The following NEBL variants were observed in gnomAD, a reference collection of about 807,000 sequenced individuals.
NEBL encodes LIM and SH3 protein 2.
Under a neutral mutation model 140.2 loss-of-function variants are expected in NEBL, and 122 were observed. The observed-to-expected ratio is 0.87, with a 90% CI of 0.75 to 1.01. The LOEUF (loss-of-function observed/expected upper bound fraction) is 1.01. Ranked by LOEUF, NEBL falls within the 50% of genes least tolerant of loss-of-function variation. NEBL has a pLI of 0.00. For missense variants in NEBL, 1,365 were observed against 1,231.3 expected (o/e 1.11, Z -1.62); for synonymous variants, 436 against 398.9 (o/e 1.09, Z -1.11).
intron 2 of NEBL, among the ~76,000 whole-genome samples, chr10:21,055,499 C>G (rs1290343518): frequency 6.6e-6 from 1 of 152,036 alleles, no homozygotes; most frequent in African/African-American, 2.4e-5. Context: ...AAATGAAAAC[C>G]CACCCACCTG....
chr10:21,230,224 A>G (rs1842227543), intron 3 of NEBL, among the ~76,000 whole-genome samples: 1 of 152,156 alleles, frequency 6.6e-6, no homozygotes, highest in African/African-American at 2.4e-5. Flanking sequence ...CTTGGGAGTG[A>G]GTCAAGCTGG....
chr10:20,920,637 TAAAA>T (rs1353975354), intron 4 of NEBL, among the ~76,000 whole-genome samples: 1 of 151,028 alleles, frequency 6.6e-6, no homozygotes, highest in Non-Finnish European at 1.5e-5. Context: ...CAAAAACTAA[TAAAA>T]AGAAGAAAAA....
rs547444578 is a variant in NEBL, at chr10:20,981,553, G to A, written c.250-19774C>T. ...GGTAACAGCACCCTGACTTGCTTCTGAAAACTCAGCACTCCTTATCTCTCC... is the reference window on the plus strand; with the variant it reads ...GGTAACAGCACCCTGACTTGCTTCTAAAAACTCAGCACTCCTTATCTCTCC... On this transcript the variant is annotated intron_variant, in intron 3 of 6. Coordinates refer to the NEBL transcript ENST00000417816. Among the ~76,000 whole-genome samples, 4 of 152,252 alleles carry A rather than the reference G, an allele frequency of 2.6e-5. No homozygotes were observed. In the East Asian group the frequency reaches 7.7e-4, roughly 29 times the overall value.
intron 3 of NEBL, among the ~76,000 whole-genome samples, chr10:21,012,543 A>T (rs545893811): frequency 1.9e-4 from 29 of 149,624 alleles, no homozygotes; most frequent in African/African-American, 6.4e-4. Context: ...TTTATTTGTT[A>T]TTTTTTTTTG....
At chr10:21,195,321 C>A (rs1841631566) in intron 3 of NEBL, among the ~76,000 whole-genome samples, 1 of 152,172 alleles carries the variant, frequency 6.6e-6, no homozygotes, top group South Asian at 2.1e-4. Flanking sequence ...ACACCTAGCT[C>A]AACTTGAGTG....
chr10:20,890,213 G>A (rs1846913262), intron 2 of NEBL, among the ~76,000 whole-genome samples: 1 of 152,088 alleles, frequency 6.6e-6, no homozygotes, highest in African/African-American at 2.4e-5. Flanking sequence ...ACGGGTGATG[G>A]GTCCTGTTTA....
chr10:21,006,354 GTTGCTAGA>G (rs1392297769), intron 3 of NEBL, among the ~76,000 whole-genome samples: 1 of 152,276 alleles, frequency 6.6e-6, no homozygotes, highest in African/African-American at 2.4e-5. Context: ...TTTAACACTT[GTTGCTAGA>G]TTGCTTTTTT....
In NEBL at chr10:20,889,870, T is replaced by G; in HGVS notation, c.233A>C (p.Lys78Thr). 1 of 1,612,594 alleles carries G rather than the reference T, an allele frequency of 6.2e-7. No homozygotes were observed. Among genetic ancestry groups the G allele is most frequent in the Non-Finnish European group, 8.5e-7 (1 of 1,178,720 alleles). Reference sequence around the variant, plus strand: ...CTCAGAAATAAAAGCACCGATATTTTTTACATGGTTTAGCATAGGACTGTC... The same window carrying G: ...CTCAGAAATAAAAGCACCGATATTTGTTACATGGTTTAGCATAGGACTGTC... ...VTDSPMLNHV[K>T]NIGAFISEAK... Residue 78 changes from lysine (K) to threonine (T), a missense_variant, in exon 3 of 28, where the codon AAA (lysine) becomes ACA (threonine). Around this residue, in one of 2 missense-constraint regions of NEBL, gnomAD observed 1,323 missense variants for 1,154.8 expected, o/e 1.15. Coordinates refer to ENST00000377122, the MANE Select transcript of NEBL (RefSeq NM_006393.3).
At chr10:21,053,630 G>A (rs1834876112) in intron 2 of NEBL, among the ~76,000 whole-genome samples, 1 of 152,112 alleles carries the variant, frequency 6.6e-6, no homozygotes, top group Non-Finnish European at 1.5e-5. Context: ...TAATCCCCAA[G>A]AAGTTATGAA....
At chr10:21,043,704 A>G (rs559773498) in intron 2 of NEBL, among the ~76,000 whole-genome samples, 2 of 152,222 alleles carry the variant, frequency 1.3e-5, no homozygotes, top group Non-Finnish European at 2.9e-5. Context: ...CCAGCAACAG[A>G]TCTGCCACGC....
At chr10:21,228,420 C>T (rs1215142617) in intron 3 of NEBL, among the ~76,000 whole-genome samples, 1 of 152,140 alleles carries the variant, frequency 6.6e-6, no homozygotes, top group Non-Finnish European at 1.5e-5. Flanking sequence ...TTCCAAAGTG[C>T]TACGATTACA....
chr10:21,285,582 G>A (rs575382201), intron 1 of NEBL, among the ~76,000 whole-genome samples: 4 of 152,260 alleles, frequency 2.6e-5, no homozygotes, highest in South Asian at 4.2e-4. Flanking sequence ...GGGACATGTC[G>A]TCAGGACCTC....
intron 3 of NEBL, among the ~76,000 whole-genome samples, chr10:20,977,044 C>G (rs1252054898): frequency 6.6e-6 from 1 of 151,936 alleles, no homozygotes; most frequent in Non-Finnish European, 1.5e-5. Context: ...ATTAATAAAC[C>G]TTGTCTTTTA....
intron 2 of NEBL, among the ~76,000 whole-genome samples, chr10:21,082,761 A>ATTTTTT (rs71392113): frequency 0.17 from 18,278 of 109,220 alleles, 2,665 homozygotes; most frequent in Non-Finnish European, 0.23. Context: ...GGAGGGATGC[A>ATTTTTT]TTTTTTTTTT....
chr10:21,172,204 G>A, intron 2 of NEBL: 1 of 640,328 alleles, frequency 1.6e-6, no homozygotes, highest in Non-Finnish European at 2.8e-6. Flanking sequence ...CATTAGAAAG[G>A]TATAAAAAGC....
rs569748369 is a variant in NEBL, at chr10:21,144,464, G to A, written c.164+27919C>T. 2.1e-4 allele frequency among the ~76,000 whole-genome samples: 32 copies of A among 152,254 alleles called. No homozygotes were observed. In the East Asian group the frequency reaches 2.5e-3, roughly 12 times the overall value. On this transcript the variant is annotated intron_variant, in intron 2 of 6. Transcript: ENST00000417816. ...AATGGGGCCGGGTGCTGTGGCTCAC[G>A]CCTGTAATCCCAGCACTTTGGGAGG...
chr10:20,798,495 C>T (rs1836795651), intron 26 of NEBL, among the ~76,000 whole-genome samples: 2 of 152,272 alleles, frequency 1.3e-5, no homozygotes, highest in South Asian at 2.1e-4. Context: ...AGTCTATGAT[C>T]CAACTTGGAT....
intron 2 of NEBL, among the ~76,000 whole-genome samples, chr10:21,144,833 ATG>A (rs1329783410): frequency 1.3e-5 from 2 of 152,202 alleles, no homozygotes; most frequent in East Asian, 3.9e-4. Flanking sequence ...TTCACGTCAT[ATG>A]TCTCTCATCT....
At chr10:21,061,515 A>G (rs569088974) in intron 2 of NEBL, among the ~76,000 whole-genome samples, 14 of 147,992 alleles carry the variant, frequency 9.5e-5, no homozygotes, top group Non-Finnish European at 6.0e-5. Context: ...TACATTATAT[A>G]TTATATATCA....
Sources: gnomAD v4.1 joint callset for allele counts (sites outside exome capture counted in the v4.1 genomes callset) on GRCh38, gnomAD v4.1.1 for gene constraint, gnomAD v4.1.1 regional missense constraint, MANE v1.5 for transcripts, NCBI Gene and HGNC (gene_info 2026-07-23, HGNC 2026-07-21) for gene names.